Variants in CCDC88C observed in about 807,000 individuals in gnomAD.
The protein encoded by CCDC88C is coiled-coil and HOOK domain protein 88C.
In CCDC88C, 131 loss-of-function variants were observed where a neutral mutation model predicts 198.8. That is an observed-to-expected ratio of 0.66 (90% CI 0.57 to 0.76). CCDC88C has a LOEUF of 0.76. Among genes scored for constraint, CCDC88C ranks in the 30% least tolerant of loss-of-function variants. The pLI is 0.00. For missense variants in CCDC88C, 2,553 were observed against 2,631.6 expected (o/e 0.97, Z 0.65); for synonymous variants, 1,166 against 1,114.7 (o/e 1.05, Z -0.92).
In CCDC88C at chr14:91,294,272, A is replaced by T; in HGVS notation, c.4013T>A (p.Leu1338His). ...KGNLEEENHH[L>H]LSQIQLLSQQ... ...GCTCAACAGCTGGATCTGGCTCAGG[A>T]GGTGATGATTTTCTTCCTCCAAGTT... The change falls in exon 23 of 30, where the codon CTC becomes CAC. Residue 1338 changes from leucine to histidine, a missense_variant. Transcript: ENST00000389857. 1 of 1,613,934 alleles carries T rather than the reference A, an allele frequency of 6.2e-7. No homozygotes were observed. Among genetic ancestry groups the T allele is most frequent in the African/African-American group, 1.3e-5 (1 of 75,024 alleles).
In CCDC88C at chr14:91,339,082, G is replaced by A. The variant is rs1266636827; in HGVS notation, c.809+196C>T. On this transcript the variant is annotated intron_variant, in intron 8 of 29. Coordinates refer to ENST00000389857, the MANE Select transcript of CCDC88C (RefSeq NM_001080414.4). The surrounding 1 kb of genome is among the most constrained non-coding windows in gnomAD (Gnocchi z 5.8). Reference sequence around the variant, plus strand: ...ACCCTGAAGACCGGGAAGAATCCCCGCCCCCATCCCTGTGCAGGCCTCAGA... The same window carrying A: ...ACCCTGAAGACCGGGAAGAATCCCCACCCCCATCCCTGTGCAGGCCTCAGA... 2.3e-5 allele frequency: 16 copies of A among 684,388 alleles called. No individual in the cohort carries two copies. Among genetic ancestry groups the A allele is most frequent in the Non-Finnish European group, 3.7e-5 (14 of 383,308 alleles). The allele number at this position is 684,388 out of a possible 1,614,324, so 42.4% of individuals were successfully genotyped here.
At chr14:91,274,542 C>G (rs534793299) in intron 29 of CCDC88C, among the ~76,000 whole-genome samples, 2 of 152,286 alleles carry the variant, frequency 1.3e-5, no homozygotes, top group African/African-American at 4.8e-5. Context: ...AGCCTGAAGG[C>G]GGGTTGGTAG....
intron 3 of CCDC88C, among the ~76,000 whole-genome samples, chr14:91,392,764 C>T (rs28718172): frequency 0.31 from 45,970 of 148,628 alleles, 7,459 homozygotes; most frequent in South Asian, 0.38. Flanking sequence ...TCACTCTCAC[C>T]GCGCCCCTCA....
At position 91,313,532 on chromosome 14, in the gene CCDC88C, G is replaced by C. The variant is rs1891939877; in HGVS notation, c.2284C>G (p.Gln762Glu). 11 of 1,609,814 alleles carry C rather than the reference G, an allele frequency of 6.8e-6. No individual in the cohort carries two copies. Among genetic ancestry groups the C allele is most frequent in the African/African-American group, 1.3e-5 (1 of 74,938 alleles). The stretch of plus-strand genomic sequence containing the variant: ...CGGAGGTTCTCAGCGCTCACGCTCT[G>C]GTAGCTGAGCTCCAGGCGCTCTGAC... ...KKSERLELSY[Q>E]SVSAENLRLQ... Residue 762 changes from glutamine (Q) to glutamate (E), a missense_variant, in exon 15 of 30, where the codon CAG becomes GAG. By Grantham distance (29) the Gln-to-Glu change is conservative. Around this residue, in one of 2 missense-constraint regions of CCDC88C, gnomAD observed 1,260 missense variants for 1,412.0 expected, o/e 0.89. Transcript: ENST00000389857. This position sits in a 1 kb window ranked among gnomAD's most constrained non-coding sequence, Gnocchi z 5.2.
chr14:91,320,745 C>T (rs1401786437), intron 13 of CCDC88C, among the ~76,000 whole-genome samples: 1 of 152,212 alleles, frequency 6.6e-6, no homozygotes, highest in Non-Finnish European at 1.5e-5. Flanking sequence ...GAAAACCCCA[C>T]ACCCCTGGTA....
Position 91,281,299 on chromosome 14 carries a change from G to A in CCDC88C, c.4699+158C>T, listed in dbSNP as rs868700975. On this transcript the variant is annotated intron_variant, in intron 27 of 29. Transcript: ENST00000389857. ...GGAGGTATGTAAGTAGAAGCTACAC[G>A]CTCAGCCCCCTGGGGAGGGGAAGGA... 3.0e-5 allele frequency: 46 copies of A among 1,520,076 alleles called. 1 individual carries two copies. In the African/African-American group the frequency reaches 5.1e-4, roughly 17 times the overall value. The allele number at this position is 1,520,076 out of a possible 1,614,324, so 94.2% of individuals were successfully genotyped here. A position where few individuals can be genotyped will look rare whatever the true frequency, so the allele number is the denominator to read the frequency against.
chr14:91,313,583 C>A lies in CCDC88C; in HGVS notation c.2233G>T (p.Asp745Tyr). The change falls in exon 15 of 30, where the codon GAT becomes TAT. Residue 745 changes from aspartate to tyrosine, a missense_variant. Asp to Tyr is a radical substitution (Grantham distance 160). Around this residue, in one of 2 missense-constraint regions of CCDC88C, gnomAD observed 1,260 missense variants for 1,412.0 expected, o/e 0.89. Transcript: ENST00000389857. The surrounding 1 kb of genome is among the most constrained non-coding windows in gnomAD (Gnocchi z 5.2). ...REKEELRKNV[D>Y]LLKALGKKSE... is the part of the protein sequence containing the mutation. ...TTCTTGCCCAGCGCCTTGAGCAGAT[C>A]CACGTTCTTCCTCAGCTCCTCCTTC... 1 of 1,612,292 alleles carries A rather than the reference C, an allele frequency of 6.2e-7. No homozygotes were observed. The highest frequency in any genetic ancestry group is 8.5e-7 in the Non-Finnish European group (1 of 1,179,886).
intron 3 of CCDC88C, among the ~76,000 whole-genome samples, chr14:91,397,801 C>T (rs1885943306): frequency 6.6e-6 from 1 of 152,230 alleles, no homozygotes; most frequent in Admixed American, 6.5e-5. Flanking sequence ...GCACCCCCAC[C>T]CCACTGCGGG....
chr14:91,277,063 G>A (rs1179444718), intron 29 of CCDC88C, among the ~76,000 whole-genome samples: 1 of 152,182 alleles, frequency 6.6e-6, no homozygotes, highest in East Asian at 1.9e-4. Flanking sequence ...TCCGCCTCCC[G>A]GTTTCAAATG....
chr14:91,400,858 C>A (rs1886128365), intron 3 of CCDC88C, among the ~76,000 whole-genome samples: 1 of 152,088 alleles, frequency 6.6e-6, no homozygotes, highest in African/African-American at 2.4e-5. Context: ...GTATTCATGT[C>A]CTTTGACCTA....
chr14:91,287,998 G>A (rs907673661), intron 25 of CCDC88C, among the ~76,000 whole-genome samples: 4 of 152,202 alleles, frequency 2.6e-5, no homozygotes, highest in Non-Finnish European at 4.4e-5. Flanking sequence ...TTTCAGTGAT[G>A]TCTCAGTCAC....
chr14:91,360,202 G>C (rs1250519572), intron 3 of CCDC88C, among the ~76,000 whole-genome samples: 3 of 151,630 alleles, frequency 2.0e-5, no homozygotes, highest in African/African-American at 7.3e-5. Flanking sequence ...AGGATAGCTT[G>C]AGGCCAGGAT....
chr14:91,380,247 G>A (rs1364963342), intron 3 of CCDC88C, among the ~76,000 whole-genome samples: 1 of 152,146 alleles, frequency 6.6e-6, no homozygotes, highest in African/African-American at 2.4e-5. Flanking sequence ...ATCTTGGGGC[G>A]GCTGGACATA....
Position 91,272,617 on chromosome 14 carries a change from C to T in CCDC88C, c.*8G>A, listed in dbSNP as rs908172291. 8.1e-6 allele frequency: 13 copies of T among 1,597,040 alleles called. No homozygotes were observed. The highest frequency in any genetic ancestry group is 3.3e-5 in the South Asian group (3 of 90,254). On this transcript the variant is annotated 3_prime_UTR_variant, in exon 30 of 30. Transcript: ENST00000389857. Reference sequence around the variant, plus strand: ...GTTTTCAGGTTTGCGAGCTCAACCACGAGACAGTCACACACAGCCGTACTC... The same window carrying T: ...GTTTTCAGGTTTGCGAGCTCAACCATGAGACAGTCACACACAGCCGTACTC...
At chr14:91,307,285 C>G in intron 17 of CCDC88C, 59 bp from the exon 18 acceptor site, 1 of 1,536,990 alleles carries the variant, frequency 6.5e-7, no homozygotes, top group Non-Finnish European at 8.9e-7. Flanking sequence ...CCTGGAGCCC[C>G]GAGTGAGTGG....
chr14:91,405,190 C>T (rs980323961), intron 3 of CCDC88C, among the ~76,000 whole-genome samples: 1 of 152,198 alleles, frequency 6.6e-6, no homozygotes, highest in South Asian at 2.1e-4. Context: ...AGCATCCTAG[C>T]GACACGGCCC....
intron 4 of CCDC88C, among the ~76,000 whole-genome samples, chr14:91,351,147 T>C (rs1893767493): frequency 6.6e-6 from 1 of 152,186 alleles, no homozygotes; most frequent in South Asian, 2.1e-4. Context: ...GCAGTTTCAG[T>C]TTCTCTCTTC....
Position 91,338,265 on chromosome 14 carries a change from A to G in CCDC88C, c.892-102T>C. The G allele has an allele frequency of 7.0e-7, 1 of 1,421,494 alleles. No homozygotes were observed. Among genetic ancestry groups the G allele is most frequent in the Non-Finnish European group, 9.6e-7 (1 of 1,040,902 alleles). The allele number at this position is 1,421,494 out of a possible 1,614,324, so 88.1% of individuals were successfully genotyped here. On this transcript the variant is annotated intron_variant, in intron 9 of 29. Coordinates refer to ENST00000389857, the MANE Select transcript of CCDC88C (RefSeq NM_001080414.4). This position sits in a 1 kb window ranked among gnomAD's most constrained non-coding sequence, Gnocchi z 4.8. Reference sequence around the variant, plus strand: ...CATGGTGTCTCCACGACGGCCCAGGACAAGCCAGCTCCTGGTGGCCGGGGG... The same window carrying G: ...CATGGTGTCTCCACGACGGCCCAGGGCAAGCCAGCTCCTGGTGGCCGGGGG...
At chr14:91,417,589 G>C (rs749516270) in intron 1 of CCDC88C, 42 bp downstream of exon 1, 1 of 1,553,970 alleles carries the variant, frequency 6.4e-7, no homozygotes, top group South Asian at 1.2e-5. Flanking sequence ...CTAGAGAGAA[G>C]CCGGTGCACC....
Sources: gnomAD v4.1 joint callset for allele counts (sites outside exome capture counted in the v4.1 genomes callset) on GRCh38, gnomAD v4.1.1 for gene constraint, gnomAD v4.1.1 regional missense constraint, Gnocchi (gnomAD v3.1) non-coding constraint, MANE v1.5 for transcripts, NCBI Gene and HGNC (gene_info 2026-07-23, HGNC 2026-07-21) for gene names.